The following NIPSNAP2 variants were observed in gnomAD, a reference collection of about 807,000 sequenced individuals.
NIPSNAP2 encodes the protein nipsnap homolog 2, also known as protein NipSnap homolog 2.
NIPSNAP2 carries 42 observed loss-of-function variants against 48.4 expected under a neutral mutation model. That is an observed-to-expected ratio of 0.87 (90% CI 0.68 to 1.12). NIPSNAP2 has a LOEUF of 1.12. Among genes scored for constraint, NIPSNAP2 ranks in the 50% most tolerant of loss-of-function variants. The probability of loss-of-function intolerance (pLI) is 0.00; values close to 1 mark genes in which losing one functional copy is unlikely to be tolerated. For missense variants in NIPSNAP2, 314 were observed against 347.3 expected, an observed-to-expected ratio of 0.90 and a Z score of 0.76; for synonymous variants, 158 against 126.6, an observed-to-expected ratio of 1.25 and a Z score of -1.67.
intron 7 of NIPSNAP2, among the ~76,000 whole-genome samples, chr7:55,993,475 A>AG (rs1787492104): frequency 6.6e-6 from 1 of 150,620 alleles, no homozygotes; most frequent in Non-Finnish European, 1.5e-5. Context: ...GCTACTCGGG[A>AG]GGTTGAGGCA....
chr7:55,980,232 A>G (rs986464975), intron 3 of NIPSNAP2: 1 of 176,952 alleles, frequency 5.7e-6, no homozygotes, highest in Non-Finnish European at 1.2e-5. Flanking sequence ...TTAAAAAGTA[A>G]ATGCTACTCT....
At chr7:55,985,642 G>A (rs148141627) in intron 7 of NIPSNAP2, among the ~76,000 whole-genome samples, 2,310 of 151,796 alleles carry the variant, frequency 0.015, 24 homozygotes, top group Middle Eastern at 0.031. Flanking sequence ...AGGTATTTGA[G>A]AGGCTGAGTA....
chr7:55,974,380 C>G (rs1469135343), intron 1 of NIPSNAP2, among the ~76,000 whole-genome samples: 2 of 151,904 alleles, frequency 1.3e-5, no homozygotes, highest in South Asian at 2.1e-4. Flanking sequence ...AGTATGAAAT[C>G]CATGTGTTCA....
rs573669333 is a variant in NIPSNAP2 at position 55,982,524 on chromosome 7, G to A, written c.444+244G>A. Among the ~76,000 whole-genome samples the A allele has an allele frequency of 4.1e-4, 61 of 147,104 alleles. 1 individual carries two copies. The highest frequency in any genetic ancestry group is 1.5e-3 in the African/African-American group (59 of 39,876). Reference sequence around the variant, plus strand: ...AGCACTTTGGGAGGCCAAGGCAGGCGGATCACAAGGTCAGGAGATTGAGAC... The same window carrying A: ...AGCACTTTGGGAGGCCAAGGCAGGCAGATCACAAGGTCAGGAGATTGAGAC... On this transcript the variant is annotated intron_variant, in intron 5 of 9. Transcript: ENST00000322090.
chr7:55,996,285 CAAAA>C (rs11464121), intron 8 of NIPSNAP2, among the ~76,000 whole-genome samples: 1 of 109,676 alleles, frequency 9.1e-6, no homozygotes. Flanking sequence ...GACTCCGTCT[CAAAA>C]AAAAAAAAAA....
intron 1 of NIPSNAP2, among the ~76,000 whole-genome samples, chr7:55,974,174 G>A (rs907156874): frequency 4.0e-5 from 6 of 151,580 alleles, no homozygotes; most frequent in South Asian, 2.1e-4. Context: ...GCAGTGAGCC[G>A]AGATTGCACT....
intron 9 of NIPSNAP2, among the ~76,000 whole-genome samples, chr7:55,997,753 CA>C (rs1445648128): frequency 6.6e-6 from 1 of 152,136 alleles, no homozygotes; most frequent in African/African-American, 2.4e-5. Flanking sequence ...AAACTTATTA[CA>C]CAAATAAAAT....
intron 1 of NIPSNAP2, among the ~76,000 whole-genome samples, chr7:55,971,508 G>T (rs2116333102): frequency 6.6e-6 from 1 of 152,202 alleles, no homozygotes; most frequent in South Asian, 2.1e-4. Flanking sequence ...CTGTTGCCCG[G>T]GCTGGAGTAC....
rs112657375 is a variant in NIPSNAP2, at chr7:55,977,828, T to C, written c.93-298T>C. On this transcript the variant is annotated intron_variant, in intron 1 of 9. Transcript: ENST00000322090. ...ACCTCCGTTCTGCTTTCTGTCTCTGTGGGTTTATCTACTCTAGGTATCCAT... is the reference window on the plus strand; with the variant it reads ...ACCTCCGTTCTGCTTTCTGTCTCTGCGGGTTTATCTACTCTAGGTATCCAT... 8.6e-4 allele frequency among the ~76,000 whole-genome samples: 131 copies of C among 152,310 alleles called. 2 individuals carry two copies. The highest frequency in any genetic ancestry group is 3.0e-3 in the African/African-American group (125 of 41,556).
Position 55,964,644 on chromosome 7 carries a change from C to T in NIPSNAP2, c.35C>T (p.Ala12Val), listed in dbSNP as rs764826985. 5.5e-6 allele frequency: 6 copies of T among 1,088,166 alleles called. 1 individual carries two copies. The South Asian group carries it at 1.7e-4, about 31-fold the overall frequency. 67.4% of individuals were successfully genotyped at this position (1,088,166 alleles called of 1,614,324 possible). The change falls in exon 1 of 10, where the codon GCC (alanine) becomes GTC (valine). Residue 12 changes from alanine (A) to valine (V), a missense_variant. Physicochemically the swap from Ala to Val is moderately conservative, Grantham distance 64. This residue lies in a region of NIPSNAP2 where 198 missense variants were observed against 185.5 expected (regional missense o/e 1.07). Coordinates refer to ENST00000322090, the MANE Select transcript of NIPSNAP2 (RefSeq NM_001483.3). The part of the protein sequence containing the change: ...AARVLRARGA[A>V]WAGGLLQRAA... The stretch of plus-strand genomic sequence containing the variant: ...CGAGTGCTGCGCGCCCGCGGAGCGG[C>T]CTGGGCCGGCGGCCTCCTGCAGCGG...
intron 7 of NIPSNAP2, among the ~76,000 whole-genome samples, chr7:55,991,024 C>G (rs755682188): frequency 6.6e-6 from 1 of 152,100 alleles, no homozygotes; most frequent in South Asian, 2.1e-4. Context: ...CTTCTGACTT[C>G]AAGTGATCTG....
chr7:55,964,684 C>T lies in NIPSNAP2; in HGVS notation c.75C>T (p.Ser25=). The T allele has an allele frequency of 8.9e-7, 1 of 1,122,180 alleles. No individual in the cohort carries two copies. The highest frequency in any genetic ancestry group is 1.1e-6 in the Non-Finnish European group (1 of 917,824). The allele number at this position is 1,122,180 out of a possible 1,614,324, so 69.5% of individuals were successfully genotyped here. ...TCCTGCAGCGGGCGGCCCCCTGCAGCCTCCTGCCCAGGCTCCGGTGAGCAG... is the reference window on the plus strand; with the variant it reads ...TCCTGCAGCGGGCGGCCCCCTGCAGTCTCCTGCCCAGGCTCCGGTGAGCAG... ...GGLLQRAAPC[S]LLPRLRTWTS... Residue 25 remains serine, a synonymous_variant, in exon 1 of 10, where the codon AGC becomes AGT. Coordinates refer to ENST00000322090, the MANE Select transcript of NIPSNAP2 (RefSeq NM_001483.3).
intron 5 of NIPSNAP2, 133 bp downstream of exon 5, chr7:55,982,413 C>G: frequency 3.3e-6 from 2 of 612,670 alleles, no homozygotes; most frequent in Non-Finnish European, 5.9e-6. Flanking sequence ...TGTTTGGACT[C>G]CTGAAGTTGT....
At chr7:55,991,765 A>AAATATATATATATATAT (rs1554344168) in intron 7 of NIPSNAP2, 1 of 146,052 alleles carries the variant, frequency 6.8e-6, no homozygotes, top group South Asian at 1.7e-4. Context: ...AAAAAAAAAA[A>AAATATATATATATATAT]ATATATATAT....
chr7:55,990,329 C>T (rs1787417833), intron 7 of NIPSNAP2, among the ~76,000 whole-genome samples: 3 of 151,120 alleles, frequency 2.0e-5, no homozygotes, highest in South Asian at 2.1e-4. Flanking sequence ...CCCAGGTTCA[C>T]GCCATTCTCC....
At chr7:55,980,302 T>C (rs556817515) in intron 3 of NIPSNAP2, 1 of 157,266 alleles carries the variant, frequency 6.4e-6, no homozygotes, top group East Asian at 1.8e-4. Context: ...GGGTTTTCAG[T>C]TAGTTAGACT....
rs1467341096 is a variant in NIPSNAP2, at chr7:55,978,258, A to G, written c.225A>G (p.Lys75=). The G allele has an allele frequency of 6.2e-7, 1 of 1,613,982 alleles. No individual in the cohort carries two copies. Among genetic ancestry groups the G allele is most frequent in the Non-Finnish European group, 8.5e-7 (1 of 1,180,036 alleles). ...LAKKETSNLY[K]LQFHNVKPEC... is the part of the protein sequence containing the mutation. ...AAAAGGAAACAAGCAATCTATACAAATTACAGTGTGAGTGACAGGTTTGCT... is the reference window on the plus strand; with the variant it reads ...AAAAGGAAACAAGCAATCTATACAAGTTACAGTGTGAGTGACAGGTTTGCT... The change falls in exon 2 of 10, where the codon AAA becomes AAG. Residue 75 remains lysine (K), a synonymous_variant. Coordinates refer to ENST00000322090, the MANE Select transcript of NIPSNAP2 (RefSeq NM_001483.3).
Position 55,999,059 on chromosome 7 carries a change from C to T in NIPSNAP2, c.848C>T (p.Ser283Leu), listed in dbSNP as rs1238220225. ...ESRIMIPLKT[S>L]PLQ ...AGAATCATGATCCCACTGAAGACCT[C>T]GCCCCTCCAGTAAAGCTGTAGAGTT... The change falls in exon 10 of 10, where the codon TCG becomes TTG. Residue 283 changes from serine to leucine, a missense_variant. By Grantham distance (145) the Ser-to-Leu change is moderately radical. This residue lies in a region of NIPSNAP2 where 116 missense variants were observed against 161.8 expected (regional missense o/e 0.72). Transcript: ENST00000322090. The T allele has an allele frequency of 3.1e-6, 5 of 1,613,362 alleles. No homozygotes were observed. Among genetic ancestry groups the T allele is most frequent in the Non-Finnish European group, 3.4e-6 (4 of 1,179,368 alleles).
intron 1 of NIPSNAP2, among the ~76,000 whole-genome samples, chr7:55,977,518 G>GCCATTTAAA (rs1354784561): frequency 6.6e-6 from 1 of 151,734 alleles, no homozygotes; most frequent in Non-Finnish European, 1.5e-5. Flanking sequence ...CATAAAATTT[G>GCCATTTAAA]CCATTTAAAC....
Sources: gnomAD v4.1 joint callset for allele counts (sites outside exome capture counted in the v4.1 genomes callset) on GRCh38, gnomAD v4.1.1 for gene constraint, gnomAD v4.1.1 regional missense constraint, MANE v1.5 for transcripts, NCBI Gene and HGNC (gene_info 2026-07-23, HGNC 2026-07-21) for gene names.